CSMD3: variants seen among roughly 807,000 people sequenced by gnomAD.
CSMD3 encodes the protein CUB and Sushi multiple domains 3, also known as CUB and sushi domain-containing protein 3.
In CSMD3, 177 loss-of-function variants were observed where a neutral mutation model predicts 435.2. That is an observed-to-expected ratio of 0.41 (90% CI 0.36 to 0.46). The LOEUF (loss-of-function observed/expected upper bound fraction) is 0.46. CSMD3 is among the 20% of genes least tolerant of loss of function. The pLI, the probability that CSMD3 is intolerant of heterozygous loss-of-function variation, is 0.34. For synonymous variants in CSMD3, 1,656 were observed against 1,520.5 expected (o/e 1.09, Z -2.07); for missense variants, 4,265 against 4,504.6 (o/e 0.95, Z 1.52).
chr8:113,050,726 G>A (rs1318989220), intron 5 of CSMD3, among the ~76,000 whole-genome samples: 1 of 152,018 alleles, frequency 6.6e-6, no homozygotes, highest in African/African-American at 2.4e-5. Flanking sequence ...AGAAGAGACT[G>A]CTCTCTGATT....
chr8:112,227,959 G>A (rs933064389), intron 70 of CSMD3, among the ~76,000 whole-genome samples: 2 of 152,006 alleles, frequency 1.3e-5, no homozygotes, highest in East Asian at 1.9e-4. Context: ...GGAGAGTGGC[G>A]TGAACCTGGG....
chr8:112,638,662 A>G (rs2074732371), intron 21 of CSMD3, 34 bp downstream of exon 21: 2 of 1,295,960 alleles, frequency 1.5e-6, no homozygotes, highest in Non-Finnish European at 2.2e-6. Context: ...TTTAAAAGTT[A>G]CTGAATGAGC....
chr8:112,450,824 C>A (rs1028879984), intron 32 of CSMD3, among the ~76,000 whole-genome samples: 1 of 152,114 alleles, frequency 6.6e-6, no homozygotes, highest in Non-Finnish European at 1.5e-5. Context: ...ATTGGCTAGA[C>A]CTCTCTGGAA....
intron 5 of CSMD3, among the ~76,000 whole-genome samples, chr8:113,023,745 C>T (rs866101351): frequency 1.3e-5 from 2 of 152,248 alleles, no homozygotes; most frequent in Middle Eastern, 6.8e-3. Context: ...TCTGTCCTCA[C>T]AGACCACCTG....
At chr8:112,460,106 C>T (rs1278458718) in intron 32 of CSMD3, among the ~76,000 whole-genome samples, 1 of 152,054 alleles carries the variant, frequency 6.6e-6, no homozygotes, top group East Asian at 1.9e-4. Context: ...ATAGCAGTTT[C>T]CACATTCTTC....
intron 1 of CSMD3, among the ~76,000 whole-genome samples, chr8:113,429,707 T>G (rs897655739): frequency 6.6e-6 from 1 of 152,166 alleles, no homozygotes; most frequent in Non-Finnish European, 1.5e-5. Context: ...TCTTCATTGG[T>G]GCCATCTGAG....
chr8:112,301,558 C>A (rs1820921747), intron 53 of CSMD3, among the ~76,000 whole-genome samples: 1 of 152,102 alleles, frequency 6.6e-6, no homozygotes, highest in African/African-American at 2.4e-5. Flanking sequence ...ATTATATTTT[C>A]ACCATGCCTG....
rs558643774 is a variant in CSMD3, at chr8:113,202,585, T to G, written c.515-28669A>C. Among the ~76,000 whole-genome samples, 3 of 152,228 alleles carry G rather than the reference T, an allele frequency of 2.0e-5. No individual in the cohort carries two copies. In the South Asian group the frequency reaches 6.2e-4, roughly 32 times the overall value. On this transcript the variant is annotated intron_variant, in intron 3 of 70. Coordinates refer to ENST00000297405, the MANE Select transcript of CSMD3 (RefSeq NM_198123.2). ...GGCTTTCTTTGATATTTCCTTTTAT[T>G]CTGAAAAATTTCCAAAAAGCAATAT...
chr8:112,432,296 A>G (rs1813803714), intron 32 of CSMD3, among the ~76,000 whole-genome samples: 1 of 152,110 alleles, frequency 6.6e-6, no homozygotes, highest in Non-Finnish European at 1.5e-5. Flanking sequence ...AATAAGTTAT[A>G]AAATTTATTC....
At chr8:112,306,886 T>C (rs1406211752) in intron 50 of CSMD3, among the ~76,000 whole-genome samples, 1 of 152,198 alleles carries the variant, frequency 6.6e-6, no homozygotes, top group African/African-American at 2.4e-5. Flanking sequence ...TTTACTATGA[T>C]GTGATAATAA....
chr8:112,903,489 G>A (rs1239052608), intron 10 of CSMD3, among the ~76,000 whole-genome samples: 1 of 151,136 alleles, frequency 6.6e-6, no homozygotes, highest in Non-Finnish European at 1.5e-5. Context: ...GTGGCGAAGG[G>A]GGATCAACAA....
intron 11 of CSMD3, among the ~76,000 whole-genome samples, chr8:112,834,679 T>G (rs1022619088): frequency 1.3e-5 from 2 of 151,714 alleles, no homozygotes; most frequent in Admixed American, 1.3e-4. Flanking sequence ...CCATTTATTT[T>G]TGTATAATAT....
At chr8:112,961,251 A>G (rs933220474) in intron 7 of CSMD3, among the ~76,000 whole-genome samples, 3 of 151,794 alleles carry the variant, frequency 2.0e-5, no homozygotes, top group African/African-American at 7.2e-5. Context: ...CTTTTTCACT[A>G]TGTAGGGATG....
At chr8:112,229,423 T>C (rs1021894280) in intron 69 of CSMD3, among the ~76,000 whole-genome samples, 1 of 152,018 alleles carries the variant, frequency 6.6e-6, no homozygotes, top group Non-Finnish European at 1.5e-5. Context: ...TTTTTCTTTT[T>C]CTTTTCTTTT....
At chr8:112,328,176 T>C (rs1018505697) in intron 45 of CSMD3, among the ~76,000 whole-genome samples, 2 of 152,196 alleles carry the variant, frequency 1.3e-5, no homozygotes, top group Non-Finnish European at 2.9e-5. Flanking sequence ...AGTTCAAGTA[T>C]GATAATCTCA....
intron 30 of CSMD3, among the ~76,000 whole-genome samples, chr8:112,493,900 A>G (rs1563613788): frequency 6.6e-6 from 1 of 152,142 alleles, no homozygotes. Flanking sequence ...TAACAAATGT[A>G]GTGATTTTCT....
intron 53 of CSMD3, among the ~76,000 whole-genome samples, chr8:112,299,218 G>A (rs562715763): frequency 5.3e-5 from 8 of 152,174 alleles, no homozygotes; most frequent in African/African-American, 1.4e-4. Context: ...CACAGTGACC[G>A]TGAAGGGGCA....
In CSMD3 at chr8:112,573,004, CTG is replaced by C. The variant is rs537422792; in HGVS notation, c.4042+495_4042+496del. Among the ~76,000 whole-genome samples, 363 of 152,084 alleles carry C rather than the reference CTG, an allele frequency of 2.4e-3. 1 individual carries two copies. Among genetic ancestry groups the C allele is most frequent in the African/African-American group, 8.2e-3 (340 of 41,514 alleles). On this transcript the variant is annotated intron_variant, in intron 24 of 70. Coordinates refer to ENST00000297405, the MANE Select transcript of CSMD3 (RefSeq NM_198123.2). The stretch of plus-strand genomic sequence containing the variant: ...ACTTTAACATAATGAGATAATAGAA[CTG>C]TGAGAAAGTATTTGTTATAAAACAA...
chr8:113,419,130 T>G (rs1421827889), intron 1 of CSMD3, among the ~76,000 whole-genome samples: 2 of 151,474 alleles, frequency 1.3e-5, no homozygotes, highest in East Asian at 3.9e-4. Flanking sequence ...GGTTTGTTTT[T>G]TTTTTTTTTT....
Sources: gnomAD v4.1 joint callset for allele counts (sites outside exome capture counted in the v4.1 genomes callset) on GRCh38, gnomAD v4.1.1 for gene constraint, MANE v1.5 for transcripts, NCBI Gene and HGNC (gene_info 2026-07-23, HGNC 2026-07-21) for gene names.